The following RETREG1 variants were observed in gnomAD, a reference collection of about 807,000 sequenced individuals.
RETREG1 encodes family with sequence similarity 134 member B.
In RETREG1, 44 loss-of-function variants were observed where a neutral mutation model predicts 54.8. The ratio of observed to expected loss-of-function variants is 0.80; its 90% CI spans 0.63 to 1.03. RETREG1 has a LOEUF of 1.03. RETREG1 is among the 50% of genes least tolerant of loss of function. The pLI is 0.00. For synonymous variants in RETREG1, 217 were observed against 238.5 expected, an observed-to-expected ratio of 0.91 and a Z score of 0.83; for missense variants, 554 against 605.1, an observed-to-expected ratio of 0.92 and a Z score of 0.89.
chr5:16,535,566 T>C (rs13181210), intron 3 of RETREG1, among the ~76,000 whole-genome samples: 1 of 149,938 alleles, frequency 6.7e-6, no homozygotes, highest in African/African-American at 2.5e-5. Context: ...GGAGCTACTG[T>C]GTGCATGCTG....
intron 3 of RETREG1, among the ~76,000 whole-genome samples, chr5:16,500,450 G>T (rs775677137): frequency 5.1e-4 from 77 of 152,140 alleles, no homozygotes; most frequent in Admixed American, 1.6e-3. Context: ...GGAAGAAGAA[G>T]AATAATGTCA....
chr5:16,510,993 C>G (rs1376147822), intron 3 of RETREG1, among the ~76,000 whole-genome samples: 3 of 151,978 alleles, frequency 2.0e-5, no homozygotes, highest in African/African-American at 7.3e-5. Flanking sequence ...TTGCTGGTTA[C>G]CACAGAACTG....
intron 1 of RETREG1, among the ~76,000 whole-genome samples, chr5:16,590,652 T>C (rs16868824): frequency 0.075 from 11,392 of 152,234 alleles, 1,430 homozygotes; most frequent in African/African-American, 0.26. Context: ...TCGTTGTTAT[T>C]TTGTGAAGTG....
intron 1 of RETREG1, among the ~76,000 whole-genome samples, chr5:16,609,725 A>C (rs1369020760): frequency 6.6e-6 from 1 of 152,164 alleles, no homozygotes; most frequent in Non-Finnish European, 1.5e-5. Context: ...GTGGGAACCA[A>C]GAAGAGAATG....
chr5:16,492,253 C>A (rs72744110), intron 3 of RETREG1, among the ~76,000 whole-genome samples: 1,540 of 139,932 alleles, frequency 0.011, 15 homozygotes, highest in African/African-American at 0.022. Flanking sequence ...ACACACACAC[C>A]ATTCTTGTTA....
intron 1 of RETREG1, among the ~76,000 whole-genome samples, chr5:16,605,374 C>T (rs1419217804): frequency 6.6e-6 from 1 of 152,216 alleles, no homozygotes; most frequent in African/African-American, 2.4e-5. Flanking sequence ...CAGAACTTCA[C>T]GCTGTCACAT....
At chr5:16,527,049 C>A (rs77185551) in intron 3 of RETREG1, among the ~76,000 whole-genome samples, 5 of 152,202 alleles carry the variant, frequency 3.3e-5, no homozygotes, top group East Asian at 1.9e-4. Flanking sequence ...GCCTTTGTTG[C>A]GCCTGCATCA....
intron 1 of RETREG1, among the ~76,000 whole-genome samples, chr5:16,612,062 CT>C (rs1286806461): frequency 7.6e-5 from 8 of 105,246 alleles, no homozygotes; most frequent in African/African-American, 2.8e-4. Flanking sequence ...GAGACTCCGT[CT>C]CAAAAAAAAA....
At chr5:16,509,630 AT>A (rs56765225) in intron 3 of RETREG1, among the ~76,000 whole-genome samples, 18,888 of 150,590 alleles carry the variant, frequency 0.13, 1,393 homozygotes, top group African/African-American at 0.21. Context: ...AGTTGAAGCC[AT>A]TTTTTTTTTC....
At chr5:16,569,750 T>C (rs1742122068) in intron 2 of RETREG1, among the ~76,000 whole-genome samples, 1 of 152,200 alleles carries the variant, frequency 6.6e-6, no homozygotes, top group Non-Finnish European at 1.5e-5. Context: ...AAAAAGGGTC[T>C]CTGCTGAGGT....
At chr5:16,563,420 G>A (rs1272676908) in intron 3 of RETREG1, among the ~76,000 whole-genome samples, 1 of 151,554 alleles carries the variant, frequency 6.6e-6, no homozygotes. Flanking sequence ...ACCATGCCCA[G>A]CTAATTTTTG....
chr5:16,523,569 A>G (rs1205739398), intron 3 of RETREG1, among the ~76,000 whole-genome samples: 1 of 152,048 alleles, frequency 6.6e-6, no homozygotes, highest in Non-Finnish European at 1.5e-5. Flanking sequence ...TAACTTGATC[A>G]CTTGGATAAA....
intron 3 of RETREG1, among the ~76,000 whole-genome samples, chr5:16,545,109 C>T (rs895702541): frequency 1.3e-5 from 2 of 152,124 alleles, no homozygotes; most frequent in Non-Finnish European, 2.9e-5. Context: ...AAGCACAGCT[C>T]ACCTCTCCAG....
rs1738615887 is a variant in RETREG1 at position 16,478,030 on chromosome 5, A to C, written c.873+4T>G. ...GAACAAATTGAAAACTAAACAAAAA[A>C]TACCTTAGGACAAAGAGCTGAAAAG... On this transcript the variant is annotated splice_donor_region_variant and intron_variant, in intron 7 of 8. Transcript: ENST00000306320. 1 of 1,604,026 alleles carries C rather than the reference A, an allele frequency of 6.2e-7. No homozygotes were observed. Among genetic ancestry groups the C allele is most frequent in the Non-Finnish European group, 8.5e-7 (1 of 1,174,302 alleles).
chr5:16,506,075 G>A lies in RETREG1; in HGVS notation c.459-22603C>T, dbSNP rs577418895. Among the ~76,000 whole-genome samples the A allele has an allele frequency of 1.1e-4, 16 of 152,372 alleles. No homozygotes were observed. In the South Asian group the frequency reaches 3.3e-3, roughly 32 times the overall value. On this transcript the variant is annotated intron_variant, in intron 3 of 8. Coordinates refer to ENST00000306320, the MANE Select transcript of RETREG1 (RefSeq NM_001034850.3). The stretch of plus-strand genomic sequence containing the variant: ...CGTTGGTTCACCAAGTCCATTTGGT[G>A]AATATCAAATGGTGCCTCGGGGCCA...
rs552427755 is a variant in RETREG1 at position 16,565,733 on chromosome 5, T to G, written c.458+30A>C. The G allele has an allele frequency of 2.9e-5, 46 of 1,613,716 alleles. 1 individual carries two copies. The South Asian group carries it at 3.8e-4, about 13-fold the overall frequency. On this transcript the variant is annotated intron_variant, in intron 3 of 8. Coordinates refer to ENST00000306320, the MANE Select transcript of RETREG1 (RefSeq NM_001034850.3). ...GTCCCCTCCCTCACCCTCCCTCCAT[T>G]AAGCACAACACGGAAAGAAAGTTCC...
intron 3 of RETREG1, among the ~76,000 whole-genome samples, chr5:16,512,462 C>T (rs1387214246): frequency 6.6e-6 from 1 of 152,194 alleles, no homozygotes; most frequent in Non-Finnish European, 1.5e-5. Flanking sequence ...TTTAAATGGA[C>T]ATTTTTATTC....
chr5:16,611,999 A>G (rs1743354902), intron 1 of RETREG1, among the ~76,000 whole-genome samples: 1 of 146,882 alleles, frequency 6.8e-6, no homozygotes, highest in Non-Finnish European at 1.5e-5. Flanking sequence ...CAGGAGGTGG[A>G]GGTTGCAGTG....
chr5:16,482,974 AGT>A (rs1438599328), intron 4 of RETREG1: 1 of 172,818 alleles, frequency 5.8e-6, no homozygotes, highest in Non-Finnish European at 1.2e-5. Context: ...CCAAAAGCAC[AGT>A]CAAAGAACTA....
Sources: allele counts gnomAD v4.1 joint callset (sites outside exome capture counted in the v4.1 genomes callset), GRCh38; gene constraint gnomAD v4.1.1; transcripts MANE v1.5; gene names NCBI Gene and HGNC (gene_info 2026-07-23, HGNC 2026-07-21).